PTPRD: variants seen among roughly 807,000 people sequenced by gnomAD.
The protein encoded by PTPRD is protein tyrosine phosphatase receptor type D, also known as receptor-type tyrosine-protein phosphatase delta.
In PTPRD, 34 loss-of-function variants were observed where a neutral mutation model predicts 214.5. The observed-to-expected ratio is 0.16, with a 90% CI of 0.12 to 0.21. The LOEUF (loss-of-function observed/expected upper bound fraction) is 0.21. Ranked by LOEUF, PTPRD falls within the 10% of genes least tolerant of loss-of-function variation. The pLI is 1.00. For synonymous variants in PTPRD, 1,128 were observed against 845.7 expected (o/e 1.33, Z -5.79); for missense variants, 2,545 against 2,398.7 (o/e 1.06, Z -1.27).
At chr9:9,596,958 A>G (rs1488601765) in intron 7 of PTPRD, among the ~76,000 whole-genome samples, 6 of 152,058 alleles carry the variant, frequency 3.9e-5, no homozygotes. Context: ...TCTGCCCCAA[A>G]GAAACTGAAG....
chr9:10,268,922 C>G (rs2094258031), intron 3 of PTPRD, among the ~76,000 whole-genome samples: 1 of 152,140 alleles, frequency 6.6e-6, no homozygotes, highest in African/African-American at 2.4e-5. Context: ...TTGTCCTGTG[C>G]GTTGTAGAAT....
intron 7 of PTPRD, among the ~76,000 whole-genome samples, chr9:9,668,490 T>C (rs2096765772): frequency 6.6e-6 from 1 of 152,192 alleles, no homozygotes; most frequent in Admixed American, 6.5e-5. Context: ...TTTAGTACAT[T>C]GTTGATTTTT....
chr9:10,118,677 A>T (rs2098750494), intron 3 of PTPRD, among the ~76,000 whole-genome samples: 1 of 151,530 alleles, frequency 6.6e-6, no homozygotes, highest in South Asian at 2.1e-4. Context: ...ATAATATAAA[A>T]ATTAATAAGC....
At chr9:8,963,068 G>A (rs1032861589) in intron 11 of PTPRD, 1 of 151,818 alleles carries the variant, frequency 6.6e-6, no homozygotes, top group African/African-American at 2.4e-5. Flanking sequence ...CAATGAAAAT[G>A]AATAAACTAT....
chr9:9,363,949 A>G (rs1301079557), intron 9 of PTPRD, among the ~76,000 whole-genome samples: 1 of 151,406 alleles, frequency 6.6e-6, no homozygotes, highest in Non-Finnish European at 1.5e-5. Context: ...TTTGTAATTC[A>G]TTATATCCCC....
chr9:9,900,653 T>TTTTTTTTTTTTTTTTTTTTTC, intron 5 of PTPRD, among the ~76,000 whole-genome samples: 1 of 98,558 alleles, frequency 1.0e-5, no homozygotes, highest in African/African-American at 4.5e-5. Context: ...TTTTTTTTTT[T>TTTTTTTTTTTTTTTTTTTTTC]TTGAGATGGA....
At chr9:10,060,893 CTTCCTTCTTTCT>C (rs1294095279) in intron 3 of PTPRD, among the ~76,000 whole-genome samples, 3,241 of 78,618 alleles carry the variant, frequency 0.041, 62 homozygotes, top group African/African-American at 0.056. Context: ...TCCTTCCTTC[CTTCCTTCTTTCT>C]TTCTTTCTTT....
At chr9:9,839,876 T>C (rs1007367187) in intron 5 of PTPRD, among the ~76,000 whole-genome samples, 3 of 152,072 alleles carry the variant, frequency 2.0e-5, no homozygotes, top group African/African-American at 7.2e-5. Context: ...AATCAATAAA[T>C]CTAATATTTA....
chr9:9,124,985 C>G (rs1021628994), intron 10 of PTPRD, among the ~76,000 whole-genome samples: 1 of 152,174 alleles, frequency 6.6e-6, no homozygotes, highest in Non-Finnish European at 1.5e-5. Flanking sequence ...GTTCCTCTCC[C>G]TACCTTCCTT....
chr9:10,474,934 A>C lies in PTPRD; in HGVS notation c.-599-133917T>G, dbSNP rs151166380. On this transcript the variant is annotated intron_variant, in intron 2 of 45. Coordinates refer to ENST00000381196, the MANE Select transcript of PTPRD (RefSeq NM_002839.4). ...AGAAATAATGAAATTCTTTGAAAGC[A>C]ATGAGAACAAAGAGACAACGTACCA... 2.0e-3 allele frequency among the ~76,000 whole-genome samples: 310 copies of C among 152,310 alleles called. 1 individual carries two copies. The highest frequency in any genetic ancestry group is 6.9e-3 in the African/African-American group (288 of 41,566).
At chr9:9,746,815 G>GTT (rs35142513) in intron 6 of PTPRD, among the ~76,000 whole-genome samples, 57 of 125,190 alleles carry the variant, frequency 4.6e-4, no homozygotes, top group African/African-American at 9.6e-4. Context: ...TGCTTGAAAA[G>GTT]TTTTTTTTTT....
chr9:10,375,966 C>A (rs1256907456), intron 2 of PTPRD, among the ~76,000 whole-genome samples: 1 of 151,874 alleles, frequency 6.6e-6, no homozygotes, highest in Non-Finnish European at 1.5e-5. Flanking sequence ...TCTAGGATTT[C>A]TTCATTAACA....
intron 7 of PTPRD, among the ~76,000 whole-genome samples, chr9:9,715,452 C>T (rs1012229652): frequency 6.6e-6 from 1 of 151,870 alleles, no homozygotes; most frequent in East Asian, 1.9e-4. Context: ...CGTATTAGTG[C>T]CTTGGTGGGA....
At chr9:8,838,727 T>C (rs968265410) in intron 11 of PTPRD, among the ~76,000 whole-genome samples, 9 of 152,082 alleles carry the variant, frequency 5.9e-5, no homozygotes, top group African/African-American at 1.9e-4. Flanking sequence ...TAAAAATAAA[T>C]ATAATGATAT....
chr9:10,347,181 T>C (rs1565447740), intron 2 of PTPRD, among the ~76,000 whole-genome samples: 1 of 152,124 alleles, frequency 6.6e-6, no homozygotes, highest in South Asian at 2.1e-4. Context: ...TTACACTTCA[T>C]TGTCTGCCAC....
intron 7 of PTPRD, among the ~76,000 whole-genome samples, chr9:9,641,432 G>C (rs1230966315): frequency 6.6e-6 from 1 of 152,146 alleles, no homozygotes; most frequent in Non-Finnish European, 1.5e-5. Flanking sequence ...GCAAAGATAA[G>C]TAAGGGATTC....
chr9:9,886,774 T>C (rs1008252293), intron 5 of PTPRD, among the ~76,000 whole-genome samples: 1 of 152,160 alleles, frequency 6.6e-6, no homozygotes, highest in Non-Finnish European at 1.5e-5. Context: ...GCCAGTACAC[T>C]AAGTTACCAT....
intron 11 of PTPRD, among the ~76,000 whole-genome samples, chr9:8,774,456 A>G (rs1005920513): frequency 2.6e-5 from 4 of 151,592 alleles, no homozygotes; most frequent in Admixed American, 6.6e-5. Flanking sequence ...GAGACTTTGT[A>G]AAGGATTTTA....
chr9:8,433,476 T>G (rs747303814), intron 35 of PTPRD, among the ~76,000 whole-genome samples: 47 of 152,216 alleles, frequency 3.1e-4, no homozygotes, highest in African/African-American at 1.1e-3. Context: ...ATTATCATCA[T>G]AGGAGATGAC....
Sources: gnomAD v4.1 joint callset for allele counts (sites outside exome capture counted in the v4.1 genomes callset) on GRCh38, gnomAD v4.1.1 for gene constraint, MANE v1.5 for transcripts, NCBI Gene and HGNC (gene_info 2026-07-23, HGNC 2026-07-21) for gene names.